Variants in RFC1 observed in about 807,000 individuals in gnomAD.
RFC1 encodes the protein A1 140 kDa subunit.
RFC1 carries 37 observed loss-of-function variants against 137.4 expected under a neutral mutation model. That is an observed-to-expected ratio of 0.27 (90% CI 0.21 to 0.35). RFC1 has a LOEUF of 0.35. Among genes scored for constraint, RFC1 ranks in the 10% least tolerant of loss-of-function variants. The pLI, the probability that RFC1 is intolerant of heterozygous loss-of-function variation, is 1.00. For missense variants in RFC1, 1,205 were observed against 1,358.5 expected (o/e 0.89, Z 1.78); for synonymous variants, 429 against 455.7 (o/e 0.94, Z 0.75).
At chr4:39,332,839 C>T (rs1302651781) in intron 4 of RFC1, among the ~76,000 whole-genome samples, 1 of 152,140 alleles carries the variant, frequency 6.6e-6, no homozygotes, top group Non-Finnish European at 1.5e-5. Context: ...CTTGAAGGGC[C>T]GGACATGGTG....
chr4:39,358,651 A>G (rs1193687248), intron 1 of RFC1, among the ~76,000 whole-genome samples: 2 of 152,204 alleles, frequency 1.3e-5, no homozygotes, highest in Non-Finnish European at 2.9e-5. Context: ...GTGCCAAGGA[A>G]ACAAAGCAGG....
Position 39,321,293 on chromosome 4 carries a change from G to A in RFC1, c.802C>T (p.His268Tyr), listed in dbSNP as rs147243992. Reference sequence around the variant, plus strand: ...TTTTTTCTGCTAGTATTACCTTTATGAGGATATTTATGTTTTTCTGCTTTA... The same window carrying A: ...TTTTTTCTGCTAGTATTACCTTTATAAGGATATTTATGTTTTTCTGCTTTA... Reference protein sequence around the residue: ...LSKAEKHKYPHKVKTAQVSDE... With the variant: ...LSKAEKHKYPYKVKTAQVSDE... The change falls in exon 8 of 25, where the codon CAT (histidine) becomes TAT (tyrosine). Residue 268 changes from histidine to tyrosine, a missense_variant. Coordinates refer to ENST00000349703, the MANE Select transcript of RFC1 (RefSeq NM_002913.5). 2 of 1,611,998 alleles carry A rather than the reference G, an allele frequency of 1.2e-6. No individual in the cohort carries two copies. Among genetic ancestry groups the A allele is most frequent in the African/African-American group, 1.3e-5 (1 of 74,862 alleles).
chr4:39,320,760 C>T (rs1199074473), intron 8 of RFC1, 91 bp from the exon 9 acceptor site: 1 of 1,280,058 alleles, frequency 7.8e-7, no homozygotes, highest in Non-Finnish European at 1.0e-6. Flanking sequence ...GTAATCTTAG[C>T]ACAGAATATA....
At chr4:39,289,647 T>A (rs1362019283) in intron 24 of RFC1, 9 of 525,754 alleles carry the variant, frequency 1.7e-5, no homozygotes, top group African/African-American at 9.6e-5. Context: ...GCCTGTTTTC[T>A]TGCTGTTTGG....
intron 21 of RFC1, chr4:39,297,559 G>C (rs1439248814): frequency 6.6e-6 from 1 of 151,784 alleles, no homozygotes; most frequent in African/African-American, 2.4e-5. Context: ...AGATCAGACA[G>C]TTGTAGGTAT....
intron 2 of RFC1, among the ~76,000 whole-genome samples, chr4:39,345,878 A>G (rs11735027): frequency 0.42 from 64,565 of 152,060 alleles, 16,318 homozygotes; most frequent in East Asian, 0.63. Context: ...CAGGGATGCT[A>G]CTAAACATCC....
intron 1 of RFC1, among the ~76,000 whole-genome samples, chr4:39,362,495 T>G (rs1395138219): frequency 1.3e-5 from 2 of 152,188 alleles, no homozygotes; most frequent in African/African-American, 4.8e-5. Context: ...GCATTTACAG[T>G]CAACTGATTT....
chr4:39,344,887 CAT>C (rs1740771900), intron 3 of RFC1, among the ~76,000 whole-genome samples: 1 of 152,162 alleles, frequency 6.6e-6, no homozygotes. Flanking sequence ...TTAATACAAA[CAT>C]ATTTTGGTTC....
In RFC1 at chr4:39,339,182, T is replaced by C. The variant is rs1416768927; in HGVS notation, c.331+3163A>G. ...TTAAGTTGTTTCCATATCTTGGCTA[T>C]TGTGCATAATGCTGCAATGAATATG... On this transcript the variant is annotated intron_variant, in intron 4 of 24. Coordinates refer to ENST00000349703, the MANE Select transcript of RFC1 (RefSeq NM_002913.5). Among the ~76,000 whole-genome samples, 4 of 152,218 alleles carry C rather than the reference T, an allele frequency of 2.6e-5. No homozygotes were observed. The South Asian group carries it at 6.2e-4, about 24-fold the overall frequency.
intron 22 of RFC1, among the ~76,000 whole-genome samples, chr4:39,292,410 G>A (rs1039528101): frequency 6.6e-6 from 1 of 152,236 alleles, no homozygotes; most frequent in South Asian, 2.1e-4. Flanking sequence ...GTGATCCACA[G>A]TGGCCAGAGG....
intron 13 of RFC1, 84 bp from the exon 14 acceptor site, chr4:39,306,785 C>T (rs1268313841): frequency 2.6e-6 from 2 of 762,498 alleles, no homozygotes; most frequent in African/African-American, 3.4e-5. Context: ...TATGCCTAAA[C>T]TTCACATAGA....
chr4:39,346,271 G>C (rs915438659), intron 2 of RFC1, among the ~76,000 whole-genome samples: 4 of 152,182 alleles, frequency 2.6e-5, no homozygotes, highest in Admixed American at 2.6e-4. Flanking sequence ...GAAGTCAGGA[G>C]TTCAAGACCA....
chr4:39,317,412 G>A lies in RFC1; in HGVS notation c.1096-390C>T, dbSNP rs2306599. ...ATTTTTTCCCCAAGTAAACCTGATC[G>A]CCCGAGAAGATATTCTGTGTTAATC... On this transcript the variant is annotated intron_variant, in intron 9 of 24. Transcript: ENST00000349703. 1.1e-4 allele frequency among the ~76,000 whole-genome samples: 17 copies of A among 152,206 alleles called. No homozygotes were observed. The East Asian group carries it at 3.1e-3, about 28-fold the overall frequency.
chr4:39,329,656 G>A lies in RFC1; in HGVS notation c.332-1900C>T, dbSNP rs28479259. Among the ~76,000 whole-genome samples the A allele has an allele frequency of 6.3e-3, 958 of 152,094 alleles. 15 individuals carry two copies. Among genetic ancestry groups the A allele is most frequent in the African/African-American group, 0.022 (902 of 41,496 alleles). ...AGGAGGCTAAGGCAGTAGGAGGATC[G>A]CTTGAGCCCAAGAAATGGAGGCTGC... On this transcript the variant is annotated intron_variant, in intron 4 of 24. Coordinates refer to ENST00000349703, the MANE Select transcript of RFC1 (RefSeq NM_002913.5).
intron 4 of RFC1, chr4:39,341,460 T>C (rs895047121): frequency 1.4e-5 from 5 of 368,150 alleles, no homozygotes; most frequent in African/African-American, 8.5e-5. Context: ...GTAAAAATTT[T>C]CCAAAAAATA....
chr4:39,345,408 A>G lies in RFC1; in HGVS notation c.201T>C (p.Tyr67=), dbSNP rs1162227882. 3.7e-6 allele frequency: 6 copies of G among 1,613,566 alleles called. No individual in the cohort carries two copies. The South Asian group carries it at 5.5e-5, about 15-fold the overall frequency. Residue 67 remains tyrosine (Y), a synonymous_variant, in exon 3 of 25, where the codon TAT becomes TAC. Transcript: ENST00000349703. ...KQPSKKKRII[Y]DSDSESEETL... ...CTCAGAAGAAATTATTACCTGAATC[A>G]TAGATGATCCTCTTTTTCTTGCTTG...
rs559190915 is a variant in RFC1, at chr4:39,320,529, A to T, written c.949T>A (p.Ser317Thr). 4 of 1,613,434 alleles carry T rather than the reference A, an allele frequency of 2.5e-6. No individual in the cohort carries two copies. Among genetic ancestry groups the T allele is most frequent in the Non-Finnish European group, 3.4e-6 (4 of 1,179,904 alleles). Residue 317 changes from serine (S) to threonine (T), a missense_variant, in exon 9 of 25, where the codon TCT becomes ACT. Transcript: ENST00000349703. ...TTTCTTTTCATAATTGCCAGCTTAG[A>T]ACTGGCCTTGGGAGAAGAGACTTCT... Reference protein sequence around the residue: ...IGEVSSPKASSKLAIMKRKEE... With the variant: ...IGEVSSPKASTKLAIMKRKEE...
chr4:39,352,355 C>T (rs796235478), intron 1 of RFC1, among the ~76,000 whole-genome samples: 4 of 152,272 alleles, frequency 2.6e-5, no homozygotes, highest in African/African-American at 7.2e-5. Context: ...TTTAATTACC[C>T]GTGTTAAACC....
At chr4:39,321,512 T>A in intron 7 of RFC1, 138 bp from the exon 8 acceptor site, 1 of 666,720 alleles carries the variant, frequency 1.5e-6, no homozygotes, top group Non-Finnish European at 2.4e-6. Flanking sequence ...CATTCATTCA[T>A]CCACAAAATT....
Sources: allele counts gnomAD v4.1 joint callset (sites outside exome capture counted in the v4.1 genomes callset), GRCh38; gene constraint gnomAD v4.1.1; transcripts MANE v1.5; gene names NCBI Gene and HGNC (gene_info 2026-07-23, HGNC 2026-07-21).